The following ORC3 variants were observed in gnomAD, a reference collection of about 807,000 sequenced individuals.
ORC3 encodes the protein origin recognition complex subunit 3.
ORC3 carries 78 observed loss-of-function variants against 100.7 expected under a neutral mutation model. That is an observed-to-expected ratio of 0.77 (90% CI 0.65 to 0.94). The LOEUF (loss-of-function observed/expected upper bound fraction) is 0.94. Among genes scored for constraint, ORC3 ranks in the 40% least tolerant of loss-of-function variants. The pLI is 0.00. For synonymous variants in ORC3, 295 were observed against 289.3 expected (o/e 1.02, Z -0.20); for missense variants, 789 against 823.9 (o/e 0.96, Z 0.52).
chr6:87,607,863 G>T, intron 6 of ORC3, 39 bp downstream of exon 6: 1 of 1,474,064 alleles, frequency 6.8e-7, no homozygotes, highest in Non-Finnish European at 9.4e-7. Context: ...GGAAATTGAC[G>T]TATGATTGAT....
intron 13 of ORC3, among the ~76,000 whole-genome samples, chr6:87,645,608 A>G (rs945035408): frequency 6.6e-6 from 1 of 152,118 alleles, no homozygotes; most frequent in South Asian, 2.1e-4. Flanking sequence ...CTAGCTGGTA[A>G]TGGTAATGTT....
In ORC3 at chr6:87,606,023, TA is replaced by T. The variant is rs2307391; in HGVS notation, c.427+7del. 804,003 of 1,446,376 alleles carry T rather than the reference TA, an allele frequency of 0.56. 227,638 individuals carry two copies. Among genetic ancestry groups the T allele is most frequent in the African/African-American group, 0.73 (52,255 of 71,482 alleles). 89.6% of individuals were successfully genotyped at this position (1,446,376 alleles called of 1,614,324 possible). On this transcript the variant is annotated splice_donor_region_variant and intron_variant, in intron 5 of 19. Coordinates refer to ENST00000392844, the MANE Select transcript of ORC3 (RefSeq NM_012381.4). ...CATTGCAAGCTAAAGATTGTCCAGG[TA>T]AAAATATAAATGCCATAATAACCTT...
chr6:87,600,187 C>T (rs1448777010), intron 2 of ORC3, among the ~76,000 whole-genome samples: 1 of 152,098 alleles, frequency 6.6e-6, no homozygotes, highest in African/African-American at 2.4e-5. Context: ...TCCAAACTAT[C>T]AGTTAACATT....
At chr6:87,670,136 C>G (rs1770802857), downstream of ORC3, among the ~76,000 whole-genome samples, 1 of 152,224 alleles carries the variant, frequency 6.6e-6, no homozygotes, top group Non-Finnish European at 1.5e-5. Flanking sequence ...ACTTTCCTCA[C>G]TAAAGATTAT....
chr6:87,671,987 GTTAAAA>G (rs1341156226), downstream of ORC3, among the ~76,000 whole-genome samples: 1 of 152,134 alleles, frequency 6.6e-6, no homozygotes, highest in Non-Finnish European at 1.5e-5. Flanking sequence ...GATATCAGAA[GTTAAAA>G]TTAATGACAG....
rs1184246329 is a variant in ORC3, at chr6:87,609,084, A to G, written c.580-12A>G. 1.3e-6 allele frequency: 2 copies of G among 1,585,004 alleles called. No homozygotes were observed. Among genetic ancestry groups the G allele is most frequent in the African/African-American group, 1.4e-5 (1 of 73,322 alleles). ...TTACCTTTAACTCTTTCTTTCTGCA[A>G]TGGCTTAAAAGAAGACGGACCCAAA... On this transcript the variant is annotated splice_polypyrimidine_tract_variant and intron_variant, in intron 6 of 19. Coordinates refer to ENST00000392844, the MANE Select transcript of ORC3 (RefSeq NM_012381.4).
rs571765789 is a variant in ORC3 at position 87,614,173 on chromosome 6, TCA to T, written c.873+1928_873+1929del. Among the ~76,000 whole-genome samples, 124 of 152,308 alleles carry T rather than the reference TCA, an allele frequency of 8.1e-4. 2 individuals are homozygous for T. Among genetic ancestry groups the T allele is most frequent in the African/African-American group, 3.0e-3 (123 of 41,574 alleles). On this transcript the variant is annotated intron_variant, in intron 8 of 19. Coordinates refer to ENST00000392844, the MANE Select transcript of ORC3 (RefSeq NM_012381.4). The stretch of plus-strand genomic sequence containing the variant: ...GTTCCCACACCCCAGTTCTGTGCAC[TCA>T]CAGGCTCAACACGATGTGGAAGCTG...
At chr6:87,624,236 C>A (rs1349540799) in intron 11 of ORC3, among the ~76,000 whole-genome samples, 1 of 152,148 alleles carries the variant, frequency 6.6e-6, no homozygotes, top group East Asian at 1.9e-4. Context: ...GTAATCCCAG[C>A]ATTTTGGGAA....
chr6:87,601,295 G>A (rs540777793), intron 2 of ORC3, among the ~76,000 whole-genome samples: 7 of 152,132 alleles, frequency 4.6e-5, no homozygotes, highest in Admixed American at 2.0e-4. Context: ...CATAAATATG[G>A]TAAAAATAAA....
intron 18 of ORC3, 78 bp from the exon 19 acceptor site, chr6:87,665,676 G>T (rs928461454): frequency 3.9e-6 from 3 of 772,174 alleles, no homozygotes; most frequent in African/African-American, 3.5e-5. Context: ...GCTATCAACA[G>T]CCATTAAAAG....
chr6:87,602,932 TTATATATA>T (rs1297751774), intron 3 of ORC3, among the ~76,000 whole-genome samples: 1 of 129,738 alleles, frequency 7.7e-6, no homozygotes, highest in Non-Finnish European at 1.6e-5. Flanking sequence ...ATATACACGT[TTATATATA>T]TATACACATA....
chr6:87,653,009 T>A, intron 13 of ORC3, 107 bp from the exon 14 acceptor site: 6 of 861,974 alleles, frequency 7.0e-6, no homozygotes, highest in Non-Finnish European at 1.0e-5. Flanking sequence ...ATGAAGAATT[T>A]CTTTTATCTT....
intron 11 of ORC3, among the ~76,000 whole-genome samples, chr6:87,623,075 G>T (rs147086217): frequency 9.2e-5 from 14 of 152,316 alleles, no homozygotes; most frequent in African/African-American, 3.1e-4. Flanking sequence ...GAGAATGTTA[G>T]ATCTTATACA....
At chr6:87,621,752 T>G (rs939893919) in intron 10 of ORC3, among the ~76,000 whole-genome samples, 198 bp from the exon 11 acceptor site, 2 of 152,244 alleles carry the variant, frequency 1.3e-5, no homozygotes, top group South Asian at 2.1e-4. Context: ...AATGTTTATA[T>G]CTATAGACTA....
downstream of ORC3, among the ~76,000 whole-genome samples, chr6:87,672,447 G>A (rs565828238): frequency 3.3e-5 from 5 of 152,322 alleles, no homozygotes; most frequent in East Asian, 3.9e-4. Context: ...TTTGCATCTC[G>A]TGCTCCTTAC....
At chr6:87,607,934 A>C in intron 6 of ORC3, 110 bp downstream of exon 6, 1 of 635,874 alleles carries the variant, frequency 1.6e-6, no homozygotes, top group Non-Finnish European at 2.6e-6. Context: ...TTTCTGCAGC[A>C]CTAGGTGTTA....
At chr6:87,618,241 TC>T (rs1779296842) in intron 9 of ORC3, among the ~76,000 whole-genome samples, 1 of 152,094 alleles carries the variant, frequency 6.6e-6, no homozygotes, top group Non-Finnish European at 1.5e-5. Flanking sequence ...AAACCCTGTC[TC>T]TACTAAAAAT....
chr6:87,591,434 C>T (rs1452509496), intron 1 of ORC3, among the ~76,000 whole-genome samples: 1 of 152,194 alleles, frequency 6.6e-6, no homozygotes, highest in Non-Finnish European at 1.5e-5. Flanking sequence ...GGAAAAAGGA[C>T]AAGCCCTGGG....
chr6:87,604,617 G>A (rs554411975), intron 4 of ORC3, among the ~76,000 whole-genome samples: 53 of 152,256 alleles, frequency 3.5e-4, no homozygotes, highest in Admixed American at 1.4e-3. Flanking sequence ...TGATAGACAA[G>A]TTCATTGTTT....
Sources: gnomAD v4.1 joint callset for allele counts (sites outside exome capture counted in the v4.1 genomes callset) on GRCh38, gnomAD v4.1.1 for gene constraint, MANE v1.5 for transcripts, NCBI Gene and HGNC (gene_info 2026-07-23, HGNC 2026-07-21) for gene names.